The following SLC1A2 variants were observed in gnomAD, a reference collection of about 807,000 sequenced individuals.
SLC1A2 encodes the protein solute carrier family 1 member 2.
In SLC1A2, 15 loss-of-function variants were observed where a neutral mutation model predicts 48.8. The ratio of observed to expected loss-of-function variants is 0.31; its 90% CI spans 0.21 to 0.47. The LOEUF is 0.47. Ranked by LOEUF, SLC1A2 falls within the 20% of genes least tolerant of loss-of-function variation. The probability of loss-of-function intolerance (pLI) is 0.99; values close to 1 mark genes in which losing one functional copy is unlikely to be tolerated. For missense variants in SLC1A2, 502 were observed against 730.5 expected, an observed-to-expected ratio of 0.69 and a Z score of 3.61; for synonymous variants, 279 against 272.6, an observed-to-expected ratio of 1.02 and a Z score of -0.23.
At chr11:35,312,087 T>G in intron 4 of SLC1A2, 111 bp downstream of exon 4, 2 of 1,088,992 alleles carry the variant, frequency 1.8e-6, no homozygotes, top group Non-Finnish European at 2.7e-6. Flanking sequence ...ACAGAGATAA[T>G]TATATATTTA....
chr11:35,382,350 C>T (rs1854453318), intron 1 of SLC1A2, among the ~76,000 whole-genome samples: 1 of 152,138 alleles, frequency 6.6e-6, no homozygotes, highest in South Asian at 2.1e-4. Flanking sequence ...TTTGATTGCC[C>T]ATCATTCCAT....
intron 4 of SLC1A2, among the ~76,000 whole-genome samples, chr11:35,311,871 G>GGA (rs367980308): frequency 0.044 from 3,634 of 83,140 alleles, 335 homozygotes; most frequent in African/African-American, 0.12. Context: ...ATAGATATAA[G>GGA]GAGAGAGAGA....
chr11:35,418,898 C>A, intron 1 of SLC1A2, 52 bp downstream of exon 1: 2 of 1,526,564 alleles, frequency 1.3e-6, no homozygotes, highest in Non-Finnish European at 1.8e-6. Flanking sequence ...GGGGCGCCAC[C>A]ACCCCGCGCG....
At chr11:35,294,773 C>G (rs1205196816) in intron 6 of SLC1A2, among the ~76,000 whole-genome samples, 1 of 152,196 alleles carries the variant, frequency 6.6e-6, no homozygotes, top group Non-Finnish European at 1.5e-5. Context: ...GGGCCACAGA[C>G]AGATGGACTA....
chr11:35,309,371 A>G (rs1851615996), intron 4 of SLC1A2, among the ~76,000 whole-genome samples: 1 of 152,192 alleles, frequency 6.6e-6, no homozygotes, highest in South Asian at 2.1e-4. Context: ...GTGAACATAC[A>G]CAGATCACGG....
At chr11:35,383,542 G>C (rs1268058591) in intron 1 of SLC1A2, among the ~76,000 whole-genome samples, 2 of 152,168 alleles carry the variant, frequency 1.3e-5, no homozygotes, top group Admixed American at 1.3e-4. Context: ...TGTAACTAGG[G>C]CAAGTTACCC....
chr11:35,270,998 G>A (rs554638817), intron 9 of SLC1A2, among the ~76,000 whole-genome samples: 59 of 152,320 alleles, frequency 3.9e-4, no homozygotes, highest in Non-Finnish European at 7.5e-4. Flanking sequence ...AAGCCTGAAA[G>A]AGTGAAATCC....
intron 9 of SLC1A2, among the ~76,000 whole-genome samples, chr11:35,273,129 C>T (rs1850331490): frequency 6.6e-6 from 1 of 152,146 alleles, no homozygotes; most frequent in South Asian, 2.1e-4. Flanking sequence ...TTGGCAATTT[C>T]ATATGGTTCA....
chr11:35,355,294 C>G (rs1853416332), intron 1 of SLC1A2, among the ~76,000 whole-genome samples: 1 of 152,154 alleles, frequency 6.6e-6, no homozygotes, highest in African/African-American at 2.4e-5. Context: ...CCATGGTGAG[C>G]TCACTTTCAG....
chr11:35,294,497 C>T (rs189560256), intron 6 of SLC1A2, among the ~76,000 whole-genome samples: 2 of 152,274 alleles, frequency 1.3e-5, no homozygotes, highest in East Asian at 3.9e-4. Flanking sequence ...GGGACCAGCA[C>T]TTCATTCATT....
At position 35,280,990 on chromosome 11, in the gene SLC1A2, G is replaced by A. The variant is rs751787370; in HGVS notation, c.1298C>T (p.Thr433Ile). 1.9e-6 allele frequency: 3 copies of A among 1,609,114 alleles called. No individual in the cohort carries two copies. Among genetic ancestry groups the A allele is most frequent in the South Asian group, 1.1e-5 (1 of 90,376 alleles). ...ACTGGCCGCGCCGACGCTTGCCAGG[G>A]TGGCTGTGAGGCTATGAGAACAGAG... is the stretch of plus-strand genomic sequence containing the variant. ...GQIVTVSLTA[T>I]LASVGAASIP... Residue 433 changes from threonine to isoleucine, a missense_variant, in exon 9 of 11, where the codon ACC becomes ATC. Around this residue, in one of 4 missense-constraint regions of SLC1A2, gnomAD observed 309 missense variants for 480.3 expected, o/e 0.64. Transcript: ENST00000278379.
chr11:35,380,969 AAAGAG>A (rs1418762413), intron 1 of SLC1A2, among the ~76,000 whole-genome samples: 1 of 152,264 alleles, frequency 6.6e-6, no homozygotes, highest in African/African-American at 2.4e-5. Flanking sequence ...AGGTAGAAGA[AAAGAG>A]AAGGAAAAGA....
intron 8 of SLC1A2, chr11:35,286,376 C>T: frequency 6.3e-6 from 1 of 157,942 alleles, no homozygotes; most frequent in Non-Finnish European, 1.4e-5. Context: ...ACAGTCCTGC[C>T]AAATCATTAC....
At chr11:35,300,756 C>T (rs1851328020) in intron 6 of SLC1A2, among the ~76,000 whole-genome samples, 2 of 152,172 alleles carry the variant, frequency 1.3e-5, no homozygotes, top group South Asian at 2.1e-4. Flanking sequence ...TGGCTCATGC[C>T]TATAATCCCA....
intron 9 of SLC1A2, among the ~76,000 whole-genome samples, chr11:35,278,779 G>A (rs1054582883): frequency 6.6e-6 from 1 of 152,100 alleles, no homozygotes; most frequent in African/African-American, 2.4e-5. Context: ...AGCACTGTGG[G>A]AGGCTGAGGT....
In SLC1A2 at chr11:35,259,922, G is replaced by T. The variant is rs1222021254; in HGVS notation, c.*972C>A. 2 of 152,226 alleles carry T rather than the reference G, an allele frequency of 1.3e-5. No homozygotes were observed. Among genetic ancestry groups the T allele is most frequent in the African/African-American group, 4.8e-5 (2 of 41,466 alleles). The allele number at this position is 152,226 out of a possible 1,614,324, so 9.4% of individuals were successfully genotyped here. On this transcript the variant is annotated 3_prime_UTR_variant, in exon 11 of 11. Coordinates refer to ENST00000278379, the MANE Select transcript of SLC1A2 (RefSeq NM_004171.4). ...GTAAAATGACCAGGCTTTCTAGGAC[G>T]ATGAGATGATGACTGAAATAATTGA...
intron 1 of SLC1A2, among the ~76,000 whole-genome samples, chr11:35,351,738 C>T (rs889266634): frequency 3.3e-5 from 5 of 152,130 alleles, no homozygotes; most frequent in Non-Finnish European, 4.4e-5. Flanking sequence ...CAGGCTCAAG[C>T]GATTCTCCTG....
Position 35,294,904 on chromosome 11 carries a change from G to A in SLC1A2, c.858-2384C>T, listed in dbSNP as rs556440127. Among the ~76,000 whole-genome samples the A allele has an allele frequency of 1.3e-4, 20 of 152,312 alleles. No homozygotes were observed. In the South Asian group the frequency reaches 4.1e-3, roughly 32 times the overall value. ...TGAAGTGTTAGGGTTTATAAATATG[G>A]CAAGAAGAAGCCCTTGCTAATCCAA... is the stretch of plus-strand genomic sequence containing the variant. On this transcript the variant is annotated intron_variant, in intron 6 of 10. Transcript: ENST00000278379.
chr11:35,300,893 C>T (rs1851332962), intron 6 of SLC1A2, among the ~76,000 whole-genome samples: 1 of 152,000 alleles, frequency 6.6e-6, no homozygotes, highest in Admixed American at 6.6e-5. Context: ...GTAGTGTGCA[C>T]CTGTAGTTCC....
Sources: gnomAD v4.1 joint callset for allele counts (sites outside exome capture counted in the v4.1 genomes callset) on GRCh38, gnomAD v4.1.1 for gene constraint, gnomAD v4.1.1 regional missense constraint, MANE v1.5 for transcripts, NCBI Gene and HGNC (gene_info 2026-07-23, HGNC 2026-07-21) for gene names.